The following TAFA1 variants were observed in gnomAD, a reference collection of about 807,000 sequenced individuals.
The protein encoded by TAFA1 is chemokine-like protein TAFA-1.
A neutral mutation model predicts 18.5 loss-of-function variants in TAFA1; 4 were observed. The ratio of observed to expected loss-of-function variants is 0.22; its 90% CI spans 0.11 to 0.49. TAFA1 has a LOEUF of 0.49. TAFA1 is among the 20% of genes least tolerant of loss of function. The probability of loss-of-function intolerance (pLI) is 0.98; values close to 1 mark genes in which losing one functional copy is unlikely to be tolerated. For synonymous variants in TAFA1, 56 were observed against 55.2 expected, an observed-to-expected ratio of 1.01 and a Z score of -0.06; for missense variants, 147 against 169.0, an observed-to-expected ratio of 0.87 and a Z score of 0.72.
intron 4 of TAFA1, among the ~76,000 whole-genome samples, chr3:68,543,899 C>G (rs1311509553): frequency 1.3e-5 from 2 of 152,062 alleles, no homozygotes; most frequent in African/African-American, 4.8e-5. Flanking sequence ...TGCACAGGAA[C>G]AGTTTCTCAT....
intron 2 of TAFA1, among the ~76,000 whole-genome samples, chr3:68,096,661 A>G (rs895909613): frequency 1.3e-5 from 2 of 152,156 alleles, no homozygotes; most frequent in African/African-American, 4.8e-5. Context: ...GCTGGGATAT[A>G]GGACAACAAA....
intron 3 of TAFA1, among the ~76,000 whole-genome samples, chr3:68,464,382 G>T (rs1034139368): frequency 6.6e-6 from 1 of 152,214 alleles, no homozygotes; most frequent in African/African-American, 2.4e-5. Context: ...AGCTCCTTTA[G>T]ATTGAATGGC....
At chr3:68,502,763 C>T (rs942190531) in intron 3 of TAFA1, among the ~76,000 whole-genome samples, 2 of 152,090 alleles carry the variant, frequency 1.3e-5, no homozygotes, top group African/African-American at 4.8e-5. Context: ...GCTATGGCAT[C>T]ATCTATAACA....
intron 3 of TAFA1, among the ~76,000 whole-genome samples, chr3:68,470,437 A>G (rs555944772): frequency 3.9e-5 from 6 of 152,352 alleles, no homozygotes; most frequent in African/African-American, 1.4e-4. Context: ...TAGAGGACTC[A>G]GAAGAAGACA....
At chr3:68,429,004 G>A (rs2071112659) in intron 3 of TAFA1, among the ~76,000 whole-genome samples, 1 of 152,028 alleles carries the variant, frequency 6.6e-6, no homozygotes, top group African/African-American at 2.4e-5. Context: ...TGGGGTCATG[G>A]AATTCAAGAG....
chr3:68,539,328 G>A (rs1384336485), intron 4 of TAFA1, among the ~76,000 whole-genome samples: 1 of 152,112 alleles, frequency 6.6e-6, no homozygotes, highest in East Asian at 1.9e-4. Context: ...ACTGAAAAGG[G>A]TTTTGGGGAG....
chr3:68,500,064 C>T (rs77762846), intron 3 of TAFA1, among the ~76,000 whole-genome samples: 1 of 152,026 alleles, frequency 6.6e-6, no homozygotes, highest in Non-Finnish European at 1.5e-5. Flanking sequence ...GTGCCTTCTA[C>T]TATGTTGGCT....
intron 3 of TAFA1, among the ~76,000 whole-genome samples, chr3:68,489,148 A>G (rs1462955518): frequency 6.6e-6 from 1 of 152,222 alleles, no homozygotes; most frequent in Non-Finnish European, 1.5e-5. Flanking sequence ...ATCCAACTCA[A>G]AGGCTTTGCT....
At chr3:68,309,329 C>T (rs1430113657) in intron 2 of TAFA1, among the ~76,000 whole-genome samples, 1 of 151,994 alleles carries the variant, frequency 6.6e-6, no homozygotes, top group South Asian at 2.1e-4. Context: ...TATCTAGTAC[C>T]TTGAAGGGAT....
intron 2 of TAFA1, among the ~76,000 whole-genome samples, chr3:68,343,297 G>A (rs1044824082): frequency 6.6e-6 from 1 of 152,160 alleles, no homozygotes; most frequent in Non-Finnish European, 1.5e-5. Context: ...AGATTTCTGA[G>A]GTACCCTTAA....
At chr3:68,040,415 G>A (rs1030051390) in intron 2 of TAFA1, among the ~76,000 whole-genome samples, 1 of 152,084 alleles carries the variant, frequency 6.6e-6, no homozygotes, top group Admixed American at 6.6e-5. Flanking sequence ...TCCTATAGGT[G>A]GGGTTCAACT....
chr3:68,434,875 C>T (rs955068777), intron 3 of TAFA1, among the ~76,000 whole-genome samples: 7 of 152,070 alleles, frequency 4.6e-5, no homozygotes, highest in African/African-American at 1.7e-4. Context: ...AAAAATGATA[C>T]ATGAAAGGCC....
intron 2 of TAFA1, among the ~76,000 whole-genome samples, chr3:68,208,268 A>G (rs544611279): frequency 3.3e-5 from 5 of 152,038 alleles, no homozygotes; most frequent in East Asian, 3.9e-4. Context: ...TTGTGCGTTT[A>G]TAGCCTTAGA....
intron 2 of TAFA1, among the ~76,000 whole-genome samples, chr3:68,053,151 G>A (rs2064492897): frequency 6.6e-6 from 1 of 151,908 alleles, no homozygotes. Flanking sequence ...AAGTCTTCAC[G>A]ACTTTTTCTA....
chr3:68,444,800 AT>A (rs1559673084), intron 3 of TAFA1, among the ~76,000 whole-genome samples: 2 of 124,058 alleles, frequency 1.6e-5, no homozygotes, highest in African/African-American at 3.1e-5. Context: ...ATATATATAT[AT>A]ATATATATAT....
chr3:68,015,499 G>A (rs147257868), intron 2 of TAFA1, among the ~76,000 whole-genome samples: 1 of 152,178 alleles, frequency 6.6e-6, no homozygotes, highest in African/African-American at 2.4e-5. Flanking sequence ...TGTTGGCCAG[G>A]CTGGTCTCAA....
At chr3:68,193,761 A>T (rs970949852) in intron 2 of TAFA1, among the ~76,000 whole-genome samples, 6 of 151,750 alleles carry the variant, frequency 4.0e-5, no homozygotes, top group African/African-American at 1.2e-4. Flanking sequence ...AAAAAAATGA[A>T]CAGGTCTCTT....
upstream of TAFA1, among the ~76,000 whole-genome samples, chr3:68,000,521 G>C (rs1239713070): frequency 6.6e-6 from 1 of 152,176 alleles, no homozygotes; most frequent in Non-Finnish European, 1.5e-5. Flanking sequence ...AAGAGATGAG[G>C]CTAGAGAAGT....
intron 2 of TAFA1, among the ~76,000 whole-genome samples, chr3:68,276,132 C>T (rs1294699956): frequency 6.6e-6 from 1 of 151,792 alleles, no homozygotes; most frequent in East Asian, 1.9e-4. Flanking sequence ...ATTCAGTCAG[C>T]CAATTGGTAA....
Sources: allele counts gnomAD v4.1 joint callset (sites outside exome capture counted in the v4.1 genomes callset), GRCh38; gene constraint gnomAD v4.1.1; transcripts MANE v1.5; gene names NCBI Gene and HGNC (gene_info 2026-07-23, HGNC 2026-07-21).